CA8: variants seen among roughly 807,000 people sequenced by gnomAD.
CA8 encodes the protein carbonic anhydrase 8 (inactive).
CA8 carries 22 observed loss-of-function variants against 41.4 expected under a neutral mutation model. The observed-to-expected ratio is 0.53, with a 90% CI of 0.38 to 0.76. The LOEUF is 0.76. Ranked by LOEUF, CA8 falls within the 30% of genes least tolerant of loss-of-function variation. CA8 has a pLI of 0.00. For missense variants in CA8, 270 were observed against 352.8 expected (o/e 0.77, Z 1.88); for synonymous variants, 121 against 130.6 (o/e 0.93, Z 0.50).
rs527384538 is a variant in CA8 at position 60,199,698 on chromosome 8, G to C, written c.*35+9052C>G. ...TATTTCAGATTCTGGGCATTATCTAGATTATTTTAGATAATCTGGGCATTA... is the reference window on the plus strand; with the variant it reads ...TATTTCAGATTCTGGGCATTATCTACATTATTTTAGATAATCTGGGCATTA... On this transcript the variant is annotated intron_variant, in intron 8 of 8. Coordinates refer to ENST00000317995, the MANE Select transcript of CA8 (RefSeq NM_004056.6). Among the ~76,000 whole-genome samples, 6 of 152,064 alleles carry C rather than the reference G, an allele frequency of 3.9e-5. No individual in the cohort carries two copies. The East Asian group carries it at 1.2e-3, about 29-fold the overall frequency.
Position 60,279,115 on chromosome 8 carries a change from T to TTAAA in CA8, c.292+570_292+573dup, listed in dbSNP as rs140904427. On this transcript the variant is annotated intron_variant, in intron 2 of 8. Transcript: ENST00000317995. ...TAGGAGAAGTTTCATGGGATGGAAC[T>TTAAA]TAAATAAATAAATAAATAAATAAAT... 3.4e-3 allele frequency among the ~76,000 whole-genome samples: 514 copies of TTAAA among 151,326 alleles called. 1 individual carries two copies. The highest frequency in any genetic ancestry group is 0.01 in the African/African-American group (418 of 41,172).
At chr8:60,272,226 G>A (rs185642862) in intron 2 of CA8, among the ~76,000 whole-genome samples, 1 of 152,232 alleles carries the variant, frequency 6.6e-6, no homozygotes, top group Non-Finnish European at 1.5e-5. Context: ...GATCACTCCT[G>A]TGTCTTCCCC....
intron 3 of CA8, among the ~76,000 whole-genome samples, chr8:60,232,847 A>C (rs996963567): frequency 6.6e-6 from 1 of 152,198 alleles, no homozygotes; most frequent in East Asian, 1.9e-4. Context: ...TCAACTTTCT[A>C]AGAATATTCA....
At chr8:60,276,730 G>A (rs887480462) in intron 2 of CA8, among the ~76,000 whole-genome samples, 1 of 152,060 alleles carries the variant, frequency 6.6e-6, no homozygotes, top group African/African-American at 2.4e-5. Flanking sequence ...AAACAAAACC[G>A]CACTTGTACC....
intron 8 of CA8, among the ~76,000 whole-genome samples, chr8:60,206,425 TC>T (rs1164358138): frequency 2.0e-5 from 3 of 152,084 alleles, no homozygotes; most frequent in Non-Finnish European, 4.4e-5. Flanking sequence ...GCAACTCTGG[TC>T]TAGGACAAGA....
intron 3 of CA8, among the ~76,000 whole-genome samples, chr8:60,238,856 C>T (rs541422695): frequency 6.6e-6 from 1 of 152,242 alleles, no homozygotes; most frequent in South Asian, 2.1e-4. Flanking sequence ...ATGCCTTTCC[C>T]CAATCTGCCC....
chr8:60,208,998 T>C, intron 7 of CA8, 79 bp from the exon 8 acceptor site: 1 of 1,375,444 alleles, frequency 7.3e-7, no homozygotes, highest in Non-Finnish European at 1.0e-6. Flanking sequence ...ATGACATGCA[T>C]AAAATATGTA....
At chr8:60,203,907 A>G (rs1459956563) in intron 8 of CA8, among the ~76,000 whole-genome samples, 1 of 152,144 alleles carries the variant, frequency 6.6e-6, no homozygotes, top group East Asian at 1.9e-4. Context: ...TTTAATAGAG[A>G]CACAGGAAAG....
rs376383592 is a variant in CA8, at chr8:60,212,044, T to C, written c.739-3125A>G. 3.3e-5 allele frequency among the ~76,000 whole-genome samples: 5 copies of C among 152,248 alleles called. No individual in the cohort carries two copies. In the East Asian group the frequency reaches 9.6e-4, roughly 29 times the overall value. ...ACTTAAACATAGTATGTGTTATTTG[T>C]TTTTAACCAATTTAAGAGAAAACTG... On this transcript the variant is annotated intron_variant, in intron 7 of 8. Transcript: ENST00000317995.
Position 60,189,897 on chromosome 8 carries a change from A to G in CA8, c.*124T>C, listed in dbSNP as rs539013449. On this transcript the variant is annotated 3_prime_UTR_variant, in exon 9 of 9. Coordinates refer to ENST00000317995, the MANE Select transcript of CA8 (RefSeq NM_004056.6). Reference sequence around the variant, plus strand: ...ATCAAAGCTGGATTAGATGAAGACAAACAACGCAGGCTTTGAGGATAAACT... The same window carrying G: ...ATCAAAGCTGGATTAGATGAAGACAGACAACGCAGGCTTTGAGGATAAACT... 1 of 152,430 alleles carries G rather than the reference A, an allele frequency of 6.6e-6. No individual in the cohort carries two copies. The highest frequency in any genetic ancestry group is 2.4e-5 in the African/African-American group (1 of 41,540). 9.4% of individuals were successfully genotyped at this position (152,430 alleles called of 1,614,324 possible).
At chr8:60,255,013 G>A (rs1177016573) in intron 3 of CA8, among the ~76,000 whole-genome samples, 1 of 152,104 alleles carries the variant, frequency 6.6e-6, no homozygotes, top group African/African-American at 2.4e-5. Flanking sequence ...AGCGTCCAGT[G>A]CCAGTGAGCT....
At chr8:60,259,513 A>G (rs1476770500) in intron 3 of CA8, among the ~76,000 whole-genome samples, 1 of 152,228 alleles carries the variant, frequency 6.6e-6, no homozygotes, top group African/African-American at 2.4e-5. Context: ...GGTAGCTTCA[A>G]AGTGGCTTCT....
intron 8 of CA8, among the ~76,000 whole-genome samples, chr8:60,206,788 G>GTC (rs971046323): frequency 1.1e-4 from 17 of 152,078 alleles, no homozygotes; most frequent in African/African-American, 3.6e-4. Context: ...GCAAAAGCCA[G>GTC]TCTCCCTGTG....
chr8:60,226,805 G>A, intron 5 of CA8, 68 bp downstream of exon 5: 1 of 849,140 alleles, frequency 1.2e-6, no homozygotes, highest in East Asian at 2.6e-5. Flanking sequence ...ACAGCATCGA[G>A]CCCGCAGGTG....
intron 8 of CA8, among the ~76,000 whole-genome samples, chr8:60,201,127 T>C (rs11991280): frequency 0.31 from 47,579 of 151,874 alleles, 7,787 homozygotes; most frequent in Middle Eastern, 0.45. Flanking sequence ...CATGCACGGC[T>C]CACGTTTCAA....
At chr8:60,262,094 G>A (rs189518919) in intron 3 of CA8, among the ~76,000 whole-genome samples, 1 of 152,218 alleles carries the variant, frequency 6.6e-6, no homozygotes, top group Non-Finnish European at 1.5e-5. Flanking sequence ...GTAGCTATTC[G>A]TGTATAAAAA....
chr8:60,281,378 G>A lies in CA8; in HGVS notation c.-231C>T, dbSNP rs1804426020. 1 of 550,730 alleles carries A rather than the reference G, an allele frequency of 1.8e-6. No individual in the cohort carries two copies. Among genetic ancestry groups the A allele is most frequent in the Non-Finnish European group, 3.2e-6 (1 of 308,566 alleles). The allele number at this position is 550,730 out of a possible 1,614,324, so 34.1% of individuals were successfully genotyped here. On this transcript the variant is annotated 5_prime_UTR_variant, in exon 1 of 9. Transcript: ENST00000317995. ...GGAAGCGCGTCCGGAGGCCCCAGCAGAGCGAGGGAGCGGCTGTGGCCTGGG... is the reference window on the plus strand; with the variant it reads ...GGAAGCGCGTCCGGAGGCCCCAGCAAAGCGAGGGAGCGGCTGTGGCCTGGG...
intron 8 of CA8, among the ~76,000 whole-genome samples, chr8:60,203,639 A>C (rs1806496033): frequency 6.6e-6 from 1 of 152,194 alleles, no homozygotes; most frequent in African/African-American, 2.4e-5. Context: ...AGAGGTACAG[A>C]AAATATTAAA....
chr8:60,223,151 G>C (rs1202414826), intron 6 of CA8, among the ~76,000 whole-genome samples: 1 of 152,196 alleles, frequency 6.6e-6, no homozygotes, highest in Non-Finnish European at 1.5e-5. Context: ...ACAAACCAGT[G>C]AGATAGGTAG....
Sources: gnomAD v4.1 joint callset for allele counts (sites outside exome capture counted in the v4.1 genomes callset) on GRCh38, gnomAD v4.1.1 for gene constraint, MANE v1.5 for transcripts, NCBI Gene and HGNC (gene_info 2026-07-23, HGNC 2026-07-21) for gene names.